EXT1: variants seen among roughly 807,000 people sequenced by gnomAD.
The protein encoded by EXT1 is exostosin glycosyltransferase 1.
A neutral mutation model predicts 82.5 loss-of-function variants in EXT1; 20 were observed. That is an observed-to-expected ratio of 0.24 (90% CI 0.17 to 0.35). The LOEUF (loss-of-function observed/expected upper bound fraction) is 0.35, where lower values mean the gene tolerates loss of function less well. Ranked by LOEUF, EXT1 falls within the 10% of genes least tolerant of loss-of-function variation. EXT1 has a pLI of 1.00. For missense variants in EXT1, 757 were observed against 936.5 expected, an observed-to-expected ratio of 0.81 and a Z score of 2.50; for synonymous variants, 348 against 350.8, an observed-to-expected ratio of 0.99 and a Z score of 0.09.
intron 1 of EXT1, among the ~76,000 whole-genome samples, chr8:117,935,809 A>G (rs1586295388): frequency 6.6e-6 from 1 of 152,288 alleles, no homozygotes; most frequent in East Asian, 1.9e-4. Context: ...AATCACAGGT[A>G]CAGAGAGGAC....
intron 1 of EXT1, among the ~76,000 whole-genome samples, chr8:117,916,325 G>A (rs1386850451): frequency 6.6e-6 from 1 of 152,052 alleles, no homozygotes; most frequent in East Asian, 1.9e-4. Context: ...GCATTTTTAG[G>A]TCAGAGTAAT....
intron 1 of EXT1, among the ~76,000 whole-genome samples, chr8:118,043,037 T>C (rs1816560469): frequency 1.3e-5 from 2 of 152,196 alleles, no homozygotes; most frequent in Non-Finnish European, 2.9e-5. Flanking sequence ...AAATGCGTGC[T>C]CTATGGGACT....
chr8:117,979,431 T>C (rs773216070), intron 1 of EXT1, among the ~76,000 whole-genome samples: 3 of 151,962 alleles, frequency 2.0e-5, no homozygotes, highest in Non-Finnish European at 4.4e-5. Flanking sequence ...TCTGTCTTCA[T>C]TACTGATTAC....
rs1254109612 is a variant in EXT1, at chr8:117,980,723, T to G, written c.962+129362A>C. ...GTTTTTTTTTTTTTTTTTTTTTTTT[T>G]TTTTTTTTCCAGTGTGAGTTCTTCA... On this transcript the variant is annotated intron_variant, in intron 1 of 10. Transcript: ENST00000378204. Among the ~76,000 whole-genome samples, 21 of 146,074 alleles carry G rather than the reference T, an allele frequency of 1.4e-4. No individual in the cohort carries two copies. The South Asian group carries it at 2.2e-3, about 15-fold the overall frequency.
At chr8:118,045,854 G>T (rs1816614293) in intron 1 of EXT1, among the ~76,000 whole-genome samples, 1 of 151,342 alleles carries the variant, frequency 6.6e-6, no homozygotes, top group Non-Finnish European at 1.5e-5. Flanking sequence ...GGAGTGCAGT[G>T]GCATGATCTC....
intron 6 of EXT1, among the ~76,000 whole-genome samples, chr8:117,819,020 C>T (rs1318224765): frequency 2.0e-5 from 3 of 152,174 alleles, no homozygotes; most frequent in Admixed American, 2.0e-4. Context: ...GTTTTGCATG[C>T]TCTAGAATGG....
intron 1 of EXT1, among the ~76,000 whole-genome samples, chr8:117,997,716 T>C (rs772775119): frequency 6.6e-6 from 1 of 152,218 alleles, no homozygotes; most frequent in Non-Finnish European, 1.5e-5. Context: ...CAGCCTACTC[T>C]GTGCTTGGTC....
chr8:118,076,143 G>A (rs1817204218), intron 1 of EXT1, among the ~76,000 whole-genome samples: 1 of 152,108 alleles, frequency 6.6e-6, no homozygotes, highest in Non-Finnish European at 1.5e-5. Context: ...AAATTTGTAA[G>A]TTGCTTTATA....
intron 1 of EXT1, among the ~76,000 whole-genome samples, chr8:117,976,831 G>A (rs1815074430): frequency 6.6e-6 from 1 of 152,152 alleles, no homozygotes; most frequent in Admixed American, 6.5e-5. Flanking sequence ...TAGTTAATGA[G>A]CAATCCTGGT....
chr8:117,941,099 A>C (rs891820211), intron 1 of EXT1, among the ~76,000 whole-genome samples: 3 of 152,154 alleles, frequency 2.0e-5, no homozygotes, highest in Admixed American at 2.0e-4. Context: ...CAAAGAAATA[A>C]TTCTCTCAAT....
rs111306489 is a variant in EXT1, at chr8:117,903,752, G to A, written c.963-66551C>T. ...CAAATTAAATGGCGCCTCTAATCAG[G>A]AATGTACGGACAGGCTCAATACCAA... is the stretch of plus-strand genomic sequence containing the variant. On this transcript the variant is annotated intron_variant, in intron 1 of 10. Coordinates refer to ENST00000378204, the MANE Select transcript of EXT1 (RefSeq NM_000127.3). Among the ~76,000 whole-genome samples, 26 of 152,278 alleles carry A rather than the reference G, an allele frequency of 1.7e-4. No homozygotes were observed. In the South Asian group the frequency reaches 2.3e-3, roughly 13 times the overall value.
chr8:117,928,398 C>A (rs1321649166), intron 1 of EXT1, among the ~76,000 whole-genome samples: 1 of 152,142 alleles, frequency 6.6e-6, no homozygotes, highest in Non-Finnish European at 1.5e-5. Context: ...TACATATGCA[C>A]GAGCAAATAC....
At chr8:118,059,949 T>C (rs1379068321) in intron 1 of EXT1, among the ~76,000 whole-genome samples, 1 of 152,186 alleles carries the variant, frequency 6.6e-6, no homozygotes, top group Non-Finnish European at 1.5e-5. Context: ...GCAAAAACTG[T>C]TCACCAAAGA....
intron 1 of EXT1, among the ~76,000 whole-genome samples, chr8:118,080,943 C>T (rs1466004139): frequency 6.6e-6 from 1 of 152,080 alleles, no homozygotes; most frequent in Non-Finnish European, 1.5e-5. Flanking sequence ...GCAGATAAGA[C>T]CATTAACTCT....
At chr8:117,981,795 T>C (rs755450408) in intron 1 of EXT1, among the ~76,000 whole-genome samples, 9 of 151,622 alleles carry the variant, frequency 5.9e-5, no homozygotes, top group Non-Finnish European at 2.9e-5. Context: ...CGAGAATCAC[T>C]TGAATCTGGG....
intron 1 of EXT1, among the ~76,000 whole-genome samples, chr8:118,062,549 T>C (rs542439809): frequency 1.1e-4 from 16 of 152,236 alleles, no homozygotes; most frequent in Middle Eastern, 3.4e-3. Context: ...AAGACCCCCG[T>C]CTTTTTCACA....
intron 9 of EXT1, among the ~76,000 whole-genome samples, chr8:117,806,200 G>C (rs541446606): frequency 1.3e-5 from 2 of 152,146 alleles, no homozygotes; most frequent in Non-Finnish European, 2.9e-5. Flanking sequence ...TAGGGCTTCT[G>C]CTTCAACTCT....
At chr8:117,902,337 T>C (rs1813464742) in intron 1 of EXT1, among the ~76,000 whole-genome samples, 1 of 152,184 alleles carries the variant, frequency 6.6e-6, no homozygotes, top group Admixed American at 6.5e-5. Flanking sequence ...ACCAGTAACA[T>C]GGTCATTTAT....
At position 117,799,399 on chromosome 8, in the gene EXT1, T is replaced by A. The variant is rs1823130078; in HGVS notation, c.*313A>T. The stretch of plus-strand genomic sequence containing the variant: ...CAAAGAACTCTGGTTTTTAATAGTT[T>A]TGATCATTAAAAAAGTTTAAACCTG... On this transcript the variant is annotated 3_prime_UTR_variant, in exon 11 of 11. Coordinates refer to ENST00000378204, the MANE Select transcript of EXT1 (RefSeq NM_000127.3). 2.9e-6 allele frequency: 1 copy of A among 349,668 alleles called. No homozygotes were observed. Among genetic ancestry groups the A allele is most frequent in the Admixed American group, 4.4e-5 (1 of 22,830 alleles). 21.7% of individuals were successfully genotyped at this position (349,668 alleles called of 1,614,324 possible).
Sources: allele counts gnomAD v4.1 joint callset (sites outside exome capture counted in the v4.1 genomes callset), GRCh38; gene constraint gnomAD v4.1.1; transcripts MANE v1.5; gene names NCBI Gene and HGNC (gene_info 2026-07-23, HGNC 2026-07-21).